Variants in SNX6 observed in about 807,000 individuals in gnomAD.
SNX6 encodes the protein sorting nexin-6.
A neutral mutation model predicts 63.0 loss-of-function variants in SNX6; 34 were observed. The ratio of observed to expected loss-of-function variants is 0.54; its 90% CI spans 0.41 to 0.72. SNX6 has a LOEUF of 0.72. SNX6 is among the 30% of genes least tolerant of loss of function. The probability of loss-of-function intolerance (pLI) is 0.00; values close to 1 mark genes in which losing one functional copy is unlikely to be tolerated. For synonymous variants in SNX6, 170 were observed against 164.2 expected, an observed-to-expected ratio of 1.04 and a Z score of -0.27; for missense variants, 398 against 471.4, an observed-to-expected ratio of 0.84 and a Z score of 1.44.
At chr14:34,578,950 A>AAAAAAAAAAAAAAAAAAAAAAG (rs1881826577) in intron 10 of SNX6, among the ~76,000 whole-genome samples, 1 of 147,104 alleles carries the variant, frequency 6.8e-6, no homozygotes, top group Non-Finnish European at 1.5e-5. Flanking sequence ...AAAAAAAAAA[A>AAAAAAAAAAAAAAAAAAAAAAG]AAAAAAAAAA....
Position 34,568,090 on chromosome 14 carries a change from C to T in SNX6, c.922-77G>A, listed in dbSNP as rs1405040648. The T allele has an allele frequency of 1.3e-5, 16 of 1,215,872 alleles. No individual in the cohort carries two copies. In the African/African-American group the frequency reaches 2.4e-4, roughly 18 times the overall value. 75.3% of individuals were successfully genotyped at this position (1,215,872 alleles called of 1,614,324 possible). ...TCACACCCAGCCACCACTGTCACCA[C>T]CACCACAACCATCAGAGCTAACACA... On this transcript the variant is annotated intron_variant, in intron 11 of 13. Coordinates refer to ENST00000362031, the MANE Select transcript of SNX6 (RefSeq NM_152233.4).
chr14:34,605,782 C>T, intron 4 of SNX6, 65 bp from the exon 5 acceptor site: 3 of 1,553,146 alleles, frequency 1.9e-6, no homozygotes, highest in East Asian at 4.6e-5. Flanking sequence ...GTACTACTGC[C>T]ACCATAGAAG....
chr14:34,606,162 A>G (rs1883007036), intron 4 of SNX6, among the ~76,000 whole-genome samples: 1 of 151,308 alleles, frequency 6.6e-6, no homozygotes, highest in African/African-American at 2.4e-5. Context: ...TGATAGAGGA[A>G]GACCCTGTCT....
At chr14:34,600,226 G>A (rs1424263027) in intron 6 of SNX6, among the ~76,000 whole-genome samples, 1 of 152,126 alleles carries the variant, frequency 6.6e-6, no homozygotes, top group African/African-American at 2.4e-5. Context: ...CCACATTCAA[G>A]TGATTCTCAT....
chr14:34,587,425 C>T (rs1830214212), intron 8 of SNX6, among the ~76,000 whole-genome samples: 2 of 145,438 alleles, frequency 1.4e-5, no homozygotes, highest in South Asian at 4.5e-4. Flanking sequence ...CCTAGCTACT[C>T]GGGAAGCTGT....
intron 2 of SNX6, among the ~76,000 whole-genome samples, chr14:34,624,572 T>C: frequency 6.6e-6 from 1 of 150,818 alleles, no homozygotes; most frequent in African/African-American, 2.5e-5. Context: ...CTGAGGAGGG[T>C]GGATCATGAA....
intron 11 of SNX6, chr14:34,569,061 T>C: frequency 4.0e-6 from 5 of 1,247,310 alleles, no homozygotes; most frequent in South Asian, 3.6e-5. Flanking sequence ...TCCCAGACTT[T>C]CTGAGGAAGG....
intron 2 of SNX6, 92 bp downstream of exon 2, chr14:34,629,815 C>A (rs1219120688): frequency 3.3e-6 from 5 of 1,518,278 alleles, no homozygotes; most frequent in Non-Finnish European, 4.4e-6. Flanking sequence ...GAGTGCCGCG[C>A]GGCTGGGGAC....
chr14:34,572,604 T>A (rs1372420966), intron 11 of SNX6, among the ~76,000 whole-genome samples: 1 of 152,200 alleles, frequency 6.6e-6, no homozygotes, highest in African/African-American at 2.4e-5. Context: ...AATATCTCAA[T>A]TCACAAATTA....
chr14:34,574,197 G>A (rs1054445120), intron 11 of SNX6, among the ~76,000 whole-genome samples: 1 of 151,250 alleles, frequency 6.6e-6, no homozygotes, highest in Admixed American at 6.6e-5. Context: ...TTAGCCAGGC[G>A]CGGTGGCGGG....
chr14:34,621,048 A>C (rs1388982497), intron 2 of SNX6, among the ~76,000 whole-genome samples: 1 of 152,168 alleles, frequency 6.6e-6, no homozygotes, highest in Non-Finnish European at 1.5e-5. Context: ...TCCTGTGATC[A>C]AGCAATCTTC....
intron 7 of SNX6, among the ~76,000 whole-genome samples, chr14:34,594,313 T>G (rs1483136909): frequency 6.6e-6 from 1 of 151,968 alleles, no homozygotes; most frequent in Non-Finnish European, 1.5e-5. Flanking sequence ...TCAACCTTTT[T>G]TTTTTTTTTG....
chr14:34,609,608 AAAT>A, intron 3 of SNX6, 27 bp downstream of exon 3: 1 of 1,460,310 alleles, frequency 6.8e-7, no homozygotes, highest in Non-Finnish European at 9.6e-7. Flanking sequence ...TAAATGGCTA[AAAT>A]AATAGAAAGT....
chr14:34,622,113 C>G (rs1034275624), intron 2 of SNX6, among the ~76,000 whole-genome samples: 5 of 151,468 alleles, frequency 3.3e-5, no homozygotes, highest in African/African-American at 1.2e-4. Flanking sequence ...CACCTACCGT[C>G]ACACCTGGCT....
At chr14:34,568,634 GTTT>G (rs376954552) in intron 11 of SNX6, 767 of 622,414 alleles carry the variant, frequency 1.2e-3, no homozygotes, top group Middle Eastern at 2.3e-3. Flanking sequence ...CACTCAGCCT[GTTT>G]TTTTTTTTTT....
chr14:34,599,594 C>T (rs986121494), intron 6 of SNX6, among the ~76,000 whole-genome samples: 1 of 145,326 alleles, frequency 6.9e-6, no homozygotes, highest in African/African-American at 2.6e-5. Flanking sequence ...ACAACAAGAG[C>T]GAAACTCTGT....
At chr14:34,577,387 C>G (rs935348833) in intron 10 of SNX6, among the ~76,000 whole-genome samples, 2 of 152,088 alleles carry the variant, frequency 1.3e-5, no homozygotes, top group African/African-American at 4.8e-5. Context: ...CTGTGCCCAG[C>G]CTCTATTCAT....
chr14:34,565,372 C>T (rs1452965554), intron 13 of SNX6, among the ~76,000 whole-genome samples: 7 of 151,214 alleles, frequency 4.6e-5, no homozygotes, highest in Non-Finnish European at 2.9e-5. Flanking sequence ...CCACCGCGCC[C>T]GGCTGACATA....
chr14:34,570,709 C>T (rs1354544731), intron 11 of SNX6, among the ~76,000 whole-genome samples: 1 of 145,858 alleles, frequency 6.9e-6, no homozygotes, highest in African/African-American at 2.5e-5. Context: ...GTGTGAGCCA[C>T]CGCACCTGGC....
Sources: gnomAD v4.1 joint callset for allele counts (sites outside exome capture counted in the v4.1 genomes callset) on GRCh38, gnomAD v4.1.1 for gene constraint, MANE v1.5 for transcripts, NCBI Gene and HGNC (gene_info 2026-07-23, HGNC 2026-07-21) for gene names.